The following EIF2AK2 variants were observed in gnomAD, a reference collection of about 807,000 sequenced individuals.
EIF2AK2 encodes the protein interferon-induced, double-stranded RNA-activated protein kinase.
EIF2AK2 carries 40 observed loss-of-function variants against 70.5 expected under a neutral mutation model. That is an observed-to-expected ratio of 0.57 (90% confidence interval 0.44 to 0.74). The LOEUF (loss-of-function observed/expected upper bound fraction) is 0.74, where lower values mean the gene tolerates loss of function less well. Among genes scored for constraint, EIF2AK2 ranks in the 30% least tolerant of loss-of-function variants. The pLI, the probability that EIF2AK2 is intolerant of heterozygous loss-of-function variation, is 0.00. For synonymous variants in EIF2AK2, 198 were observed against 220.9 expected (o/e 0.90, Z 0.92); for missense variants, 555 against 644.3 (o/e 0.86, Z 1.50).
intron 9 of EIF2AK2, 44 bp downstream of exon 9, chr2:37,136,939 T>C: frequency 6.4e-7 from 1 of 1,562,878 alleles, no homozygotes; most frequent in Non-Finnish European, 8.7e-7. Flanking sequence ...AAGTCTGAAA[T>C]AAAACTTCAG....
At position 37,104,251 on chromosome 2, in the gene EIF2AK2, G is replaced by GT. The variant is rs1358915021; in HGVS notation, c.*3021dup. On this transcript the variant is annotated 3_prime_UTR_variant, in exon 17 of 17. Coordinates refer to ENST00000233057, the MANE Select transcript of EIF2AK2 (RefSeq NM_001135651.3). ...ATTTGGCATTGTTATCTAATATGCA[G>GT]TCTATATTCAAATGTTCTCAATTGT... 1 of 151,950 alleles carries GT rather than the reference G, an allele frequency of 6.6e-6. No homozygotes were observed. Among genetic ancestry groups the GT allele is most frequent in the African/African-American group, 2.4e-5 (1 of 41,372 alleles). 9.4% of individuals were successfully genotyped at this position (151,950 alleles called of 1,614,324 possible).
chr2:37,142,081 A>G (rs1482216409), intron 4 of EIF2AK2, among the ~76,000 whole-genome samples: 2 of 152,168 alleles, frequency 1.3e-5, no homozygotes, highest in Non-Finnish European at 2.9e-5. Flanking sequence ...TACTATTATT[A>G]TCTCTACCTT....
chr2:37,150,590 CTTG>C (rs1269937746), intron 1 of EIF2AK2, among the ~76,000 whole-genome samples: 2 of 152,118 alleles, frequency 1.3e-5, no homozygotes, highest in African/African-American at 4.8e-5. Context: ...ATGAGGACCG[CTTG>C]TAGCCGGGAA....
Position 37,104,259 on chromosome 2 carries a change from T to A in EIF2AK2, c.*3014A>T, listed in dbSNP as rs573973355. ...TTGTTATCTAATATGCAGTCTATAT[T>A]CAAATGTTCTCAATTGTCCCGAAGA... On this transcript the variant is annotated 3_prime_UTR_variant, in exon 17 of 17. Transcript: ENST00000233057. 1 of 152,126 alleles carries A rather than the reference T, an allele frequency of 6.6e-6. No homozygotes were observed. Among genetic ancestry groups the A allele is most frequent in the East Asian group, 1.9e-4 (1 of 5,186 alleles). The allele number at this position is 152,126 out of a possible 1,614,324, so 9.4% of individuals were successfully genotyped here.
At chr2:37,129,565 G>T (rs574984388) in intron 10 of EIF2AK2, among the ~76,000 whole-genome samples, 3 of 152,132 alleles carry the variant, frequency 2.0e-5, no homozygotes, top group Non-Finnish European at 4.4e-5. Flanking sequence ...TAATTGGGAC[G>T]GTATCTGGTA....
At chr2:37,126,721 C>A (rs1674741568) in intron 10 of EIF2AK2, among the ~76,000 whole-genome samples, 2 of 152,028 alleles carry the variant, frequency 1.3e-5, no homozygotes, top group South Asian at 4.2e-4. Flanking sequence ...CTTCAGGAGG[C>A]CAAGGCAGGT....
At chr2:37,143,646 G>A (rs1214723067) in intron 4 of EIF2AK2, among the ~76,000 whole-genome samples, 2 of 152,002 alleles carry the variant, frequency 1.3e-5, no homozygotes, top group Non-Finnish European at 2.9e-5. Flanking sequence ...CACTTTGGGA[G>A]GCTGAGGTGG....
chr2:37,133,948 G>A (rs887486322), intron 10 of EIF2AK2, among the ~76,000 whole-genome samples: 3 of 151,902 alleles, frequency 2.0e-5, no homozygotes, highest in Admixed American at 6.6e-5. Flanking sequence ...CAACCTCACC[G>A]ATACAACCAC....
chr2:37,143,101 T>C (rs1390216463), intron 4 of EIF2AK2, among the ~76,000 whole-genome samples: 1 of 151,818 alleles, frequency 6.6e-6, no homozygotes, highest in East Asian at 1.9e-4. Flanking sequence ...TGGTGGTGGG[T>C]GCCTGTAATC....
intron 5 of EIF2AK2, 108 bp downstream of exon 5, chr2:37,141,445 A>G: frequency 7.4e-7 from 1 of 1,343,866 alleles, no homozygotes; most frequent in Non-Finnish European, 1.0e-6. Flanking sequence ...AACCTTGCAT[A>G]CAGAATGCTT....
chr2:37,111,939 C>T (rs74681295), intron 14 of EIF2AK2, among the ~76,000 whole-genome samples: 1 of 121,706 alleles, frequency 8.2e-6, no homozygotes, highest in African/African-American at 3.2e-5. Flanking sequence ...CTCTCTCTCT[C>T]TATATATATA....
intron 15 of EIF2AK2, among the ~76,000 whole-genome samples, chr2:37,108,513 G>A (rs931841754): frequency 1.3e-5 from 2 of 152,088 alleles, no homozygotes; most frequent in Admixed American, 1.3e-4. Flanking sequence ...AAATGCTTAT[G>A]GCATTCTCTT....
chr2:37,139,798 A>G, intron 5 of EIF2AK2, 41 bp from the exon 6 acceptor site: 1 of 1,574,244 alleles, frequency 6.4e-7, no homozygotes, highest in Non-Finnish European at 8.6e-7. Context: ...AACATGAAAA[A>G]TATAGCAAAT....
intron 1 of EIF2AK2, among the ~76,000 whole-genome samples, chr2:37,155,207 G>A (rs756126542): frequency 1.3e-5 from 2 of 152,026 alleles, no homozygotes; most frequent in Non-Finnish European, 2.9e-5. Flanking sequence ...TGCTGTCTTG[G>A]CCTGGTCAAT....
intron 1 of EIF2AK2, among the ~76,000 whole-genome samples, chr2:37,150,975 C>T (rs1018029877): frequency 2.6e-5 from 4 of 152,062 alleles, no homozygotes; most frequent in African/African-American, 9.7e-5. Flanking sequence ...TATAAATGTA[C>T]AAGCGAAAAC....
At chr2:37,154,412 C>T (rs1180444821) in intron 1 of EIF2AK2, among the ~76,000 whole-genome samples, 5 of 152,074 alleles carry the variant, frequency 3.3e-5, no homozygotes, top group Non-Finnish European at 5.9e-5. Context: ...TTGTTTTTGT[C>T]GAGGTTACCA....
At chr2:37,120,631 C>G (rs1674510270) in intron 12 of EIF2AK2, among the ~76,000 whole-genome samples, 1 of 149,434 alleles carries the variant, frequency 6.7e-6, no homozygotes, top group African/African-American at 2.4e-5. Context: ...TCATAAGTTC[C>G]CGGATGTCCA....
At chr2:37,114,678 TA>T (rs1269099924) in intron 14 of EIF2AK2, 52 bp downstream of exon 14, 3 of 1,443,602 alleles carry the variant, frequency 2.1e-6, no homozygotes, top group African/African-American at 2.9e-5. Context: ...ACTCTTTTTA[TA>T]ATTTTCAAAA....
chr2:37,118,665 T>G (rs1323050787), intron 13 of EIF2AK2, among the ~76,000 whole-genome samples: 2 of 152,212 alleles, frequency 1.3e-5, no homozygotes, highest in Non-Finnish European at 2.9e-5. Flanking sequence ...CTGACAATGT[T>G]CCACCTTCAA....
Sources: allele counts gnomAD v4.1 joint callset (sites outside exome capture counted in the v4.1 genomes callset), GRCh38; gene constraint gnomAD v4.1.1; transcripts MANE v1.5; gene names NCBI Gene and HGNC (gene_info 2026-07-23, HGNC 2026-07-21).